Variants in CD1A observed in about 807,000 individuals in gnomAD.
CD1A encodes T-cell surface glycoprotein CD1a.
A neutral mutation model predicts 38.3 loss-of-function variants in CD1A; 50 were observed. That is an observed-to-expected ratio of 1.30 (90% confidence interval 1.04 to 1.65). CD1A has a LOEUF of 1.65. Among genes scored for constraint, CD1A ranks in the 40% most tolerant of loss-of-function variants. CD1A has a pLI of 0.00. For missense variants in CD1A, 459 were observed against 406.1 expected, an observed-to-expected ratio of 1.13 and a Z score of -1.12; for synonymous variants, 160 against 150.8, an observed-to-expected ratio of 1.06 and a Z score of -0.45.
At chr1:158,249,005 T>A in the CD1A span, among the ~76,000 whole-genome samples, 1 of 152,254 alleles carries the variant, frequency 6.6e-6, no homozygotes, top group African/African-American at 2.4e-5. Context: ...CTTTCCAATC[T>A]GTGCCCAACT....
At chr1:158,257,300 G>A in intron 4 of CD1A, 121 bp from the exon 5 acceptor site, 1 of 969,768 alleles carries the variant, frequency 1.0e-6, no homozygotes, top group Non-Finnish European at 1.6e-6. Flanking sequence ...AGAAAAAAAG[G>A]AGATTGGTAA....
chr1:158,249,442 G>T (rs1196468930), upstream of CD1A, among the ~76,000 whole-genome samples: 1 of 151,960 alleles, frequency 6.6e-6, no homozygotes, highest in Non-Finnish European at 1.5e-5. Flanking sequence ...GTCTCTCTTG[G>T]GTCTCTTATA....
rs202190888 is a variant in CD1A, at chr1:158,255,235, G to T, written c.210G>T (p.Trp70Cys). 3.7e-6 allele frequency: 6 copies of T among 1,613,964 alleles called. No individual in the cohort carries two copies. In the African/African-American group the frequency reaches 8.0e-5, roughly 22 times the overall value. The change falls in exon 2 of 6, where the codon TGG becomes TGT. Residue 70 changes from tryptophan (W) to cysteine (C), a missense_variant. Transcript: ENST00000289429. ...GCACCATCGTTTTCCTGTGCCCCTG[G>T]TCCAGGGGAAACTTCAGCAATGAGG... ...NSSTIVFLCP[W>C]SRGNFSNEEW...
chr1:158,251,467 G>T (rs1650087072), upstream of CD1A, among the ~76,000 whole-genome samples: 1 of 152,188 alleles, frequency 6.6e-6, no homozygotes, highest in East Asian at 1.9e-4. Flanking sequence ...GGGCTGGTTT[G>T]CCAGAAGGTT....
upstream of CD1A, among the ~76,000 whole-genome samples, chr1:158,252,710 C>A (rs1324359245): frequency 6.6e-6 from 1 of 150,820 alleles, no homozygotes; most frequent in Non-Finnish European, 1.5e-5. Flanking sequence ...AGTTTGAGAC[C>A]AACATGGTGA....
At chr1:158,249,178 A>G in the CD1A span, among the ~76,000 whole-genome samples, 1 of 152,044 alleles carries the variant, frequency 6.6e-6, no homozygotes, top group South Asian at 2.1e-4. Context: ...CTGACCCCAT[A>G]TTCAACGGTG....
At chr1:158,250,538 T>C (rs879087842), upstream of CD1A, among the ~76,000 whole-genome samples, 25 of 152,192 alleles carry the variant, frequency 1.6e-4, no homozygotes, top group African/African-American at 6.0e-4. Flanking sequence ...TTCGGAAAAT[T>C]TTGCCTCTTT....
chr1:158,257,435 G>A lies in CD1A; in HGVS notation c.898G>A (p.Val300Met), dbSNP rs148574564. 223 of 1,613,718 alleles carry A rather than the reference G, an allele frequency of 1.4e-4. 3 individuals are homozygous for A. Among genetic ancestry groups the A allele is most frequent in the East Asian group, 8.7e-4 (39 of 44,878 alleles). Residue 300 changes from valine to methionine, a missense_variant, in exon 5 of 6, where the codon GTG becomes ATG. Transcript: ENST00000289429. ...CAAATTCACAGAGCATCACAGTTCC[G>A]TGGGCTTCATCATCTTGGCGGTGAT... ...IVLYWEHHSS[V>M]GFIILAVIVP...
chr1:158,253,397 A>G (rs796345284), upstream of CD1A, among the ~76,000 whole-genome samples: 2 of 152,236 alleles, frequency 1.3e-5, no homozygotes, highest in Admixed American at 6.5e-5. Context: ...CTAGTTTCTT[A>G]TAAGTAATAG....
At chr1:158,253,022 G>A (rs1357663573), upstream of CD1A, among the ~76,000 whole-genome samples, 12 of 152,292 alleles carry the variant, frequency 7.9e-5, no homozygotes, top group Middle Eastern at 3.4e-3. Flanking sequence ...GCTTGAGGCC[G>A]GGAGTTGGAG....
rs777735474 is a variant in CD1A at position 158,257,404 on chromosome 1, T to A, written c.884-17T>A. 6.3e-7 allele frequency: 1 copy of A among 1,587,462 alleles called. No individual in the cohort carries two copies. Among genetic ancestry groups the A allele is most frequent in the Non-Finnish European group, 8.7e-7 (1 of 1,155,766 alleles). On this transcript the variant is annotated splice_polypyrimidine_tract_variant and intron_variant, in intron 4 of 5. Transcript: ENST00000289429. ...GGGATGGATTATAACATCCTTGGTG[T>A]CTCCCCAAATTCACAGAGCATCACA...
chr1:158,249,441 G>T (rs769822042), upstream of CD1A, among the ~76,000 whole-genome samples: 2 of 152,046 alleles, frequency 1.3e-5, no homozygotes, highest in Non-Finnish European at 2.9e-5. Context: ...GGTCTCTCTT[G>T]GGTCTCTTAT....
intron 3 of CD1A, 87 bp downstream of exon 3, chr1:158,256,369 C>A: frequency 7.4e-7 from 1 of 1,344,374 alleles, no homozygotes; most frequent in East Asian, 2.3e-5. Flanking sequence ...TAAGGAAGAG[C>A]CACCCAGAAG....
At chr1:158,255,758 G>A (rs1253661313) in intron 2 of CD1A, among the ~76,000 whole-genome samples, 1 of 151,906 alleles carries the variant, frequency 6.6e-6, no homozygotes, top group African/African-American at 2.4e-5. Flanking sequence ...CTTACACCAG[G>A]TCCTTGCTCA....
chr1:158,253,749 T>C (rs981951628), upstream of CD1A, among the ~76,000 whole-genome samples: 1 of 152,190 alleles, frequency 6.6e-6, no homozygotes, highest in Non-Finnish European at 1.5e-5. Context: ...GCCCCCATTT[T>C]AGAAAATATT....
chr1:158,251,333 T>C (rs796959843), upstream of CD1A, among the ~76,000 whole-genome samples: 5 of 152,342 alleles, frequency 3.3e-5, 1 homozygote, highest in African/African-American at 1.2e-4. Flanking sequence ...GAAACCCATG[T>C]TATTCAAGAG....
chr1:158,255,563 A>T (rs938750028), intron 2 of CD1A, among the ~76,000 whole-genome samples: 3 of 152,144 alleles, frequency 2.0e-5, no homozygotes, highest in African/African-American at 7.2e-5. Context: ...TCTCTCATTG[A>T]TTGCAGGGTT....
At position 158,254,641 on chromosome 1, in the gene CD1A, G is replaced by T. The variant is rs1388601969; in HGVS notation, c.-29G>T. ...ACAGAAATCAAAGACCAATTTTTCT[G>T]AGAGAAGGAAATAACATCTGCAAAT... On this transcript the variant is annotated 5_prime_UTR_variant, in exon 1 of 6. Transcript: ENST00000289429. 6.2e-7 allele frequency: 1 copy of T among 1,613,958 alleles called. No individual in the cohort carries two copies. The highest frequency in any genetic ancestry group is 8.5e-7 in the Non-Finnish European group (1 of 1,179,946).
At chr1:158,249,983 G>A (rs1650041739), upstream of CD1A, among the ~76,000 whole-genome samples, 2 of 152,228 alleles carry the variant, frequency 1.3e-5, no homozygotes, top group Non-Finnish European at 1.5e-5. Context: ...ATCAAGGGTG[G>A]GAAAGCATGT....
Sources: allele counts gnomAD v4.1 joint callset (sites outside exome capture counted in the v4.1 genomes callset), GRCh38; gene constraint gnomAD v4.1.1; transcripts MANE v1.5; gene names NCBI Gene and HGNC (gene_info 2026-07-23, HGNC 2026-07-21).